The following GALNTL6 variants were observed in gnomAD, a reference collection of about 807,000 sequenced individuals.
GALNTL6 encodes the protein polypeptide N-acetylgalactosaminyltransferase like 6, also known as polypeptide N-acetylgalactosaminyltransferase-like 6.
In GALNTL6, 46 loss-of-function variants were observed where a neutral mutation model predicts 73.7. The observed-to-expected ratio is 0.62, with a 90% CI of 0.49 to 0.80. GALNTL6 has a LOEUF of 0.80. Among genes scored for constraint, GALNTL6 ranks in the 30% least tolerant of loss-of-function variants. The probability of loss-of-function intolerance (pLI) is 0.00; values close to 1 mark genes in which losing one functional copy is unlikely to be tolerated. For missense variants in GALNTL6, 604 were observed against 755.0 expected (o/e 0.80, Z 2.34); for synonymous variants, 259 against 263.7 (o/e 0.98, Z 0.17).
At chr4:172,790,264 T>G (rs563063340) in intron 5 of GALNTL6, among the ~76,000 whole-genome samples, 59 of 152,222 alleles carry the variant, frequency 3.9e-4, no homozygotes, top group Non-Finnish European at 7.2e-4. Flanking sequence ...GAGTGAGTTG[T>G]GTTTCCCCAA....
chr4:172,196,006 G>GTTT (rs147919669), intron 2 of GALNTL6, among the ~76,000 whole-genome samples: 26 of 127,218 alleles, frequency 2.0e-4, no homozygotes, highest in Non-Finnish European at 1.3e-4. Context: ...CAGGAGCTGG[G>GTTT]TTTTTTTTTT....
Position 171,813,555 on chromosome 4 carries a change from C to T in GALNTL6, c.-605C>T, listed in dbSNP as rs1453431613. ...AGCACAGACTTCGGTTTCTCCGCCT[C>T]CATCCCCTTTACGAGAAGAGGAGAT... is the stretch of plus-strand genomic sequence containing the variant. On this transcript the variant is annotated 5_prime_UTR_variant, in exon 1 of 13. Coordinates refer to ENST00000506823, the MANE Select transcript of GALNTL6 (RefSeq NM_001034845.3). The surrounding 1 kb of genome is among the most constrained non-coding windows in gnomAD (Gnocchi z 5.2). 6.6e-6 allele frequency: 1 copy of T among 152,426 alleles called. No homozygotes were observed. Among genetic ancestry groups the T allele is most frequent in the Non-Finnish European group, 1.5e-5 (1 of 68,170 alleles). The allele number at this position is 152,426 out of a possible 1,614,324, so 9.4% of individuals were successfully genotyped here.
chr4:172,309,318 T>C (rs1241197885), intron 3 of GALNTL6, among the ~76,000 whole-genome samples: 1 of 152,090 alleles, frequency 6.6e-6, no homozygotes, highest in Non-Finnish European at 1.5e-5. Context: ...CCAAATTTTC[T>C]AACAAAATCT....
At chr4:172,854,658 AC>A in intron 7 of GALNTL6, among the ~76,000 whole-genome samples, 1 of 152,018 alleles carries the variant, frequency 6.6e-6, no homozygotes, top group Non-Finnish European at 1.5e-5. Context: ...TGTAAAAAAA[AC>A]CCTCTCCATT....
chr4:172,689,848 G>T (rs1733157537), intron 5 of GALNTL6, among the ~76,000 whole-genome samples: 1 of 152,080 alleles, frequency 6.6e-6, no homozygotes, highest in Non-Finnish European at 1.5e-5. Context: ...TAGTGTTAAA[G>T]AAAATTAGAT....
At chr4:171,820,122 C>G (rs1734643317) in intron 2 of GALNTL6, among the ~76,000 whole-genome samples, 1 of 152,062 alleles carries the variant, frequency 6.6e-6, no homozygotes, top group Admixed American at 6.6e-5. Flanking sequence ...GAAATATGTA[C>G]TTAGACACAT....
rs1045917840 is a variant in GALNTL6 at position 171,988,604 on chromosome 4, A to G, written c.138+173886A>G. ...GCACCACGGGGTGGATAGGCAAAAC[A>G]ATTCGGTTGATAAGGCACAGATTCT... On this transcript the variant is annotated intron_variant, in intron 2 of 12. Coordinates refer to ENST00000506823, the MANE Select transcript of GALNTL6 (RefSeq NM_001034845.3). Among the ~76,000 whole-genome samples the G allele has an allele frequency of 2.0e-5, 3 of 152,206 alleles. No individual in the cohort carries two copies. The East Asian group carries it at 5.8e-4, about 29-fold the overall frequency.
chr4:172,443,219 G>C (rs1288083540), intron 5 of GALNTL6, among the ~76,000 whole-genome samples: 1 of 139,792 alleles, frequency 7.2e-6, no homozygotes, highest in Non-Finnish European at 1.5e-5. Flanking sequence ...AGGCTGGAGT[G>C]CAGTGGCACG....
chr4:171,864,291 C>T (rs1002986035), intron 2 of GALNTL6, among the ~76,000 whole-genome samples: 11 of 151,580 alleles, frequency 7.3e-5, no homozygotes, highest in African/African-American at 2.2e-4. Context: ...AACAGTGGCT[C>T]GAATATAAAA....
At chr4:171,991,183 A>T (rs1032887000) in intron 2 of GALNTL6, among the ~76,000 whole-genome samples, 4 of 152,330 alleles carry the variant, frequency 2.6e-5, no homozygotes, top group Non-Finnish European at 4.4e-5. Context: ...AACAAAAGAC[A>T]TTGGATAGTC....
At chr4:171,972,720 A>T (rs1049555964) in intron 2 of GALNTL6, among the ~76,000 whole-genome samples, 23 of 152,164 alleles carry the variant, frequency 1.5e-4, no homozygotes, top group African/African-American at 5.1e-4. Flanking sequence ...TTATAACATT[A>T]AAATTGCTAT....
chr4:171,856,072 A>G (rs1404835103), intron 2 of GALNTL6, among the ~76,000 whole-genome samples: 1 of 152,126 alleles, frequency 6.6e-6, no homozygotes, highest in Non-Finnish European at 1.5e-5. Context: ...CCTAAAGAAT[A>G]TATTTCACAG....
chr4:172,164,247 C>T (rs752255396), intron 2 of GALNTL6, among the ~76,000 whole-genome samples: 64 of 151,980 alleles, frequency 4.2e-4, no homozygotes, highest in Middle Eastern at 3.4e-3. Flanking sequence ...CTATGAGATA[C>T]GATGAATGGT....
chr4:172,011,499 C>T (rs554899802), intron 2 of GALNTL6, among the ~76,000 whole-genome samples: 14 of 151,974 alleles, frequency 9.2e-5, no homozygotes, highest in Non-Finnish European at 2.1e-4. Flanking sequence ...TTCAGTAATC[C>T]TTAAGAATAG....
chr4:172,888,798 C>T (rs1210635763), intron 8 of GALNTL6, among the ~76,000 whole-genome samples: 3 of 152,152 alleles, frequency 2.0e-5, no homozygotes, highest in African/African-American at 4.8e-5. Context: ...CTGTGAAAAA[C>T]GACATTGGTA....
rs1211406938 is a variant in GALNTL6, at chr4:172,104,496, A to C, written c.139-125160A>C. On this transcript the variant is annotated intron_variant, in intron 2 of 12. Coordinates refer to ENST00000506823, the MANE Select transcript of GALNTL6 (RefSeq NM_001034845.3). ...GGAGGCTAGGAAACAAAAGTAGTAC[A>C]TTAAATGGGGATTCGATTATAAAGC... 2.0e-5 allele frequency among the ~76,000 whole-genome samples: 3 copies of C among 152,152 alleles called. 1 individual carries two copies. The highest frequency in any genetic ancestry group is 2.0e-4 in the Admixed American group (3 of 15,280).
chr4:173,026,264 A>G (rs1753227198), intron 12 of GALNTL6, among the ~76,000 whole-genome samples: 1 of 152,204 alleles, frequency 6.6e-6, no homozygotes, highest in Non-Finnish European at 1.5e-5. Context: ...TCAAGCAAGT[A>G]CCACCGCAGG....
intron 5 of GALNTL6, among the ~76,000 whole-genome samples, chr4:172,694,978 G>A (rs1317095488): frequency 6.6e-6 from 1 of 152,144 alleles, no homozygotes; most frequent in African/African-American, 2.4e-5. Context: ...ACTGAGCTTG[G>A]TCATCCAGTA....
intron 2 of GALNTL6, among the ~76,000 whole-genome samples, chr4:171,878,792 T>G (rs1379362903): frequency 1.3e-5 from 2 of 152,110 alleles, no homozygotes; most frequent in Non-Finnish European, 2.9e-5. Flanking sequence ...GGTGATTGGA[T>G]CTTGGGGGCA....
Sources: gnomAD v4.1 joint callset for allele counts (sites outside exome capture counted in the v4.1 genomes callset) on GRCh38, gnomAD v4.1.1 for gene constraint, Gnocchi (gnomAD v3.1) non-coding constraint, MANE v1.5 for transcripts, NCBI Gene and HGNC (gene_info 2026-07-23, HGNC 2026-07-21) for gene names.